The following SP100 variants were observed in gnomAD, a reference collection of about 807,000 sequenced individuals.
SP100 encodes nuclear autoantigen Sp-100.
A neutral mutation model predicts 130.0 loss-of-function variants in SP100; 84 were observed. That is an observed-to-expected ratio of 0.65 (90% CI 0.54 to 0.77). The LOEUF (loss-of-function observed/expected upper bound fraction) is 0.77. SP100 is among the 30% of genes least tolerant of loss of function. The pLI is 0.00. For synonymous variants in SP100, 331 were observed against 351.7 expected, an observed-to-expected ratio of 0.94 and a Z score of 0.66; for missense variants, 978 against 1,052.2, an observed-to-expected ratio of 0.93 and a Z score of 0.97.
intron 24 of SP100, chr2:230,514,935 T>C: frequency 8.2e-7 from 1 of 1,220,194 alleles, no homozygotes. Flanking sequence ...TTGCAGTACA[T>C]TGAGCTCCAT....
intron 2 of SP100, among the ~76,000 whole-genome samples, chr2:230,423,027 A>G (rs1210161031): frequency 6.6e-6 from 1 of 152,250 alleles, no homozygotes; most frequent in Non-Finnish European, 1.5e-5. Context: ...ATTTATATAT[A>G]TGCACATATA....
At chr2:230,463,389 T>G (rs1321899440) in intron 10 of SP100, among the ~76,000 whole-genome samples, 2 of 152,202 alleles carry the variant, frequency 1.3e-5, no homozygotes, top group Admixed American at 1.3e-4. Context: ...GTTGATTTGT[T>G]TTGCCCTTTA....
At chr2:230,440,668 G>T in intron 2 of SP100, 1 of 1,031,942 alleles carries the variant, frequency 9.7e-7, no homozygotes, top group Middle Eastern at 2.2e-4. Flanking sequence ...AAGTCCTAAA[G>T]TTTTTTCTTG....
intron 2 of SP100, among the ~76,000 whole-genome samples, chr2:230,436,333 G>A (rs1397360810): frequency 1.3e-5 from 2 of 151,818 alleles, no homozygotes; most frequent in Non-Finnish European, 2.9e-5. Flanking sequence ...GTTTTGCTGT[G>A]TCCCCACCCA....
intron 2 of SP100, among the ~76,000 whole-genome samples, chr2:230,423,341 A>T (rs182672204): frequency 4.9e-4 from 75 of 152,204 alleles, no homozygotes; most frequent in Admixed American, 2.9e-3. Flanking sequence ...TTCTCTGAAG[A>T]TGTGTCCTTT....
chr2:230,476,096 G>A (rs1241354252), intron 17 of SP100, among the ~76,000 whole-genome samples: 1 of 152,172 alleles, frequency 6.6e-6, no homozygotes, highest in Admixed American at 6.5e-5. Flanking sequence ...ATTTTAATAA[G>A]GATGGTGTTG....
intron 24 of SP100, among the ~76,000 whole-genome samples, chr2:230,520,321 A>G (rs942039170): frequency 6.6e-6 from 1 of 152,224 alleles, no homozygotes; most frequent in Non-Finnish European, 1.5e-5. Context: ...TCAGAGCAAG[A>G]CTGCCCTCCC....
intron 24 of SP100, among the ~76,000 whole-genome samples, chr2:230,532,270 T>C (rs1691734763): frequency 6.6e-6 from 1 of 152,000 alleles, no homozygotes; most frequent in Non-Finnish European, 1.5e-5. Context: ...AGCACTTTTT[T>C]ATTTTGTTAT....
At chr2:230,530,377 A>G (rs1691646109) in intron 24 of SP100, among the ~76,000 whole-genome samples, 1 of 151,096 alleles carries the variant, frequency 6.6e-6, no homozygotes, top group Admixed American at 6.6e-5. Context: ...GGCTAGCCAT[A>G]TGTAGAAAGC....
At chr2:230,523,876 T>A (rs1691289479) in intron 24 of SP100, among the ~76,000 whole-genome samples, 1 of 152,010 alleles carries the variant, frequency 6.6e-6, no homozygotes, top group South Asian at 2.1e-4. Flanking sequence ...GCCATTGCAC[T>A]GTAGCCTAAG....
chr2:230,521,883 A>G (rs1691187258), intron 24 of SP100, among the ~76,000 whole-genome samples: 1 of 152,240 alleles, frequency 6.6e-6, no homozygotes, highest in South Asian at 2.1e-4. Flanking sequence ...GCATCTGGAT[A>G]GATGAGTATC....
intron 17 of SP100, among the ~76,000 whole-genome samples, chr2:230,493,145 T>G (rs985724692): frequency 2.0e-5 from 3 of 152,236 alleles, no homozygotes; most frequent in Non-Finnish European, 4.4e-5. Flanking sequence ...AAGTATTTAT[T>G]CTATTATTTT....
intron 8 of SP100, among the ~76,000 whole-genome samples, chr2:230,459,301 G>A (rs553155121): frequency 1.3e-5 from 2 of 152,256 alleles, no homozygotes; most frequent in African/African-American, 4.8e-5. Context: ...TCTCTGATCT[G>A]AGGAGATAAG....
intron 2 of SP100, among the ~76,000 whole-genome samples, chr2:230,439,611 TA>T (rs761456824): frequency 3.3e-5 from 5 of 152,062 alleles, no homozygotes; most frequent in Admixed American, 6.5e-5. Context: ...TTTATTTATT[TA>T]TTTTTTTGCA....
At chr2:230,491,061 A>G (rs35217514) in intron 17 of SP100, among the ~76,000 whole-genome samples, 34,017 of 152,118 alleles carry the variant, frequency 0.22, 4,981 homozygotes, top group African/African-American at 0.42. Flanking sequence ...AATATCCAGA[A>G]GTATGTTTTC....
chr2:230,514,940 C>T, intron 24 of SP100: 1 of 1,271,480 alleles, frequency 7.9e-7, no homozygotes, highest in Non-Finnish European at 1.1e-6. Context: ...GTACATTGAG[C>T]TCCATAGAGA....
At chr2:230,435,247 G>A (rs978636186) in intron 2 of SP100, among the ~76,000 whole-genome samples, 12 of 152,098 alleles carry the variant, frequency 7.9e-5, no homozygotes, top group Non-Finnish European at 1.5e-4. Context: ...TAGTTTTTAT[G>A]TATTCATATG....
intron 24 of SP100, among the ~76,000 whole-genome samples, chr2:230,521,704 T>C (rs1189991302): frequency 1.3e-5 from 2 of 152,184 alleles, no homozygotes; most frequent in Non-Finnish European, 2.9e-5. Context: ...AGTAAACATG[T>C]TGCTTGTGGC....
chr2:230,468,927 A>C (rs2149988942), intron 13 of SP100, 116 bp from the exon 14 acceptor site: 1 of 597,406 alleles, frequency 1.7e-6, no homozygotes, highest in Admixed American at 3.3e-5. Context: ...GGGAAGAGAC[A>C]GAAATGATCC....
Sources: allele counts gnomAD v4.1 joint callset (sites outside exome capture counted in the v4.1 genomes callset), GRCh38; gene constraint gnomAD v4.1.1; transcripts MANE v1.5; gene names NCBI Gene and HGNC (gene_info 2026-07-23, HGNC 2026-07-21).